AKAP9: variants seen among roughly 807,000 people sequenced by gnomAD.
AKAP9 encodes A-kinase anchoring protein 9, also known as A-kinase anchor protein 9.
In AKAP9, 311 loss-of-function variants were observed where a neutral mutation model predicts 488.5. The ratio of observed to expected loss-of-function variants is 0.64; its 90% CI spans 0.58 to 0.70. AKAP9 has a LOEUF of 0.70. Ranked by LOEUF, AKAP9 falls within the 30% of genes least tolerant of loss-of-function variation. The pLI, the probability that AKAP9 is intolerant of heterozygous loss-of-function variation, is 0.00. For missense variants in AKAP9, 4,215 were observed against 4,374.5 expected, an observed-to-expected ratio of 0.96 and a Z score of 1.03; for synonymous variants, 1,462 against 1,483.5, an observed-to-expected ratio of 0.99 and a Z score of 0.33.
At chr7:91,987,086 G>A (rs528979422) in intron 3 of AKAP9, among the ~76,000 whole-genome samples, 2 of 152,100 alleles carry the variant, frequency 1.3e-5, no homozygotes, top group African/African-American at 4.8e-5. Context: ...CTTACCGTGT[G>A]GAATAAACAG....
At chr7:92,028,992 T>C (rs990057571) in intron 14 of AKAP9, among the ~76,000 whole-genome samples, 44 of 151,844 alleles carry the variant, frequency 2.9e-4, no homozygotes, top group African/African-American at 9.9e-4. Flanking sequence ...GAATTTAGGG[T>C]AGAAAAGAAT....
chr7:91,986,184 G>T (rs1054776948), intron 3 of AKAP9, among the ~76,000 whole-genome samples: 2 of 152,182 alleles, frequency 1.3e-5, no homozygotes, highest in African/African-American at 2.4e-5. Flanking sequence ...CTAGATGAAA[G>T]AAATGGGACC....
At chr7:92,098,992 C>A (rs1357420837) in intron 43 of AKAP9, among the ~76,000 whole-genome samples, 1 of 152,132 alleles carries the variant, frequency 6.6e-6, no homozygotes, top group Non-Finnish European at 1.5e-5. Context: ...CCCATAGTGA[C>A]CCCTTAGGAA....
At chr7:91,972,171 A>T (rs1795188334) in intron 1 of AKAP9, among the ~76,000 whole-genome samples, 1 of 152,098 alleles carries the variant, frequency 6.6e-6, no homozygotes, top group Admixed American at 6.6e-5. Flanking sequence ...GACCTGTGGC[A>T]TGAACCTCTT....
intron 1 of AKAP9, among the ~76,000 whole-genome samples, chr7:91,959,565 C>A (rs1388613957): frequency 1.3e-5 from 2 of 152,112 alleles, no homozygotes; most frequent in African/African-American, 4.8e-5. Context: ...TTTAGCTTCC[C>A]AAAGCACATA....
chr7:92,024,269 G>T (rs1487485062), intron 14 of AKAP9, among the ~76,000 whole-genome samples: 1 of 151,290 alleles, frequency 6.6e-6, no homozygotes, highest in Non-Finnish European at 1.5e-5. Context: ...AAAATTAGCC[G>T]GGCATGGTGG....
At chr7:92,043,253 TC>T (rs1365156929) in intron 20 of AKAP9, 8 of 806,008 alleles carry the variant, frequency 9.9e-6, no homozygotes, top group African/African-American at 1.9e-5. Context: ...CTGTCAACCC[TC>T]TTGTGTCCTC....
Position 92,023,925 on chromosome 7 carries a change from A to C in AKAP9, c.4148+916A>C, listed in dbSNP as rs1443425547. Among the ~76,000 whole-genome samples the C allele has an allele frequency of 3.3e-5, 5 of 152,168 alleles. No homozygotes were observed. The Middle Eastern group carries it at 0.017, about 521-fold the overall frequency. On this transcript the variant is annotated intron_variant, in intron 14 of 49. Coordinates refer to ENST00000356239, the MANE Select transcript of AKAP9 (RefSeq NM_005751.5). ...TCTTCCTCCAGATACATGCCTGGCC[A>C]ACACCCTCACCTTCTTTGGATCATT... is the stretch of plus-strand genomic sequence containing the variant.
chr7:92,046,681 T>G lies in AKAP9; in HGVS notation c.5368+1468T>G, dbSNP rs542543751. On this transcript the variant is annotated intron_variant, in intron 21 of 49. Transcript: ENST00000356239. ...ACTTCACTCTTGGTTAAGCTCTCAG[T>G]CACGGCTATTTTATTTCTGCATATG... 2.0e-5 allele frequency among the ~76,000 whole-genome samples: 3 copies of G among 152,350 alleles called. No homozygotes were observed. In the South Asian group the frequency reaches 6.2e-4, roughly 32 times the overall value.
chr7:91,952,189 C>T (rs11772585), intron 1 of AKAP9, among the ~76,000 whole-genome samples: 17,313 of 152,204 alleles, frequency 0.11, 1,109 homozygotes, highest in East Asian at 0.35. Flanking sequence ...AAGCTTGCCT[C>T]TGATACTTTC....
chr7:92,018,912 G>C (rs1376105033), intron 12 of AKAP9, among the ~76,000 whole-genome samples: 1 of 152,044 alleles, frequency 6.6e-6, no homozygotes, highest in Non-Finnish European at 1.5e-5. Flanking sequence ...ATTGAAATTT[G>C]AATTTATTAA....
At position 92,031,540 on chromosome 7, in the gene AKAP9, A is replaced by T. The variant is rs747689685; in HGVS notation, c.4274A>T (p.Glu1425Val). 1 of 1,612,670 alleles carries T rather than the reference A, an allele frequency of 6.2e-7. No individual in the cohort carries two copies. The highest frequency in any genetic ancestry group is 2.2e-5 in the East Asian group (1 of 44,680). ...TCTGGTGAATTTGGAGTGAAAGAGG[A>T]AACAAATATCGTTAAGTTGCTTGAA... is the stretch of plus-strand genomic sequence containing the variant. ...EFSGEFGVKE[E>V]TNIVKLLEKQ... is the part of the protein sequence containing the mutation. The change falls in exon 16 of 50, where the codon GAA becomes GTA. Residue 1425 changes from glutamate (E) to valine (V), a missense_variant. This residue lies in a region of AKAP9 where 2,361 missense variants were observed against 2,430.0 expected (regional missense o/e 0.97). Coordinates refer to ENST00000356239, the MANE Select transcript of AKAP9 (RefSeq NM_005751.5).
chr7:92,034,492 ATATATATTTTTT>A (rs1804840153), intron 16 of AKAP9, among the ~76,000 whole-genome samples: 1 of 92,036 alleles, frequency 1.1e-5, no homozygotes, highest in Admixed American at 1.2e-4. Flanking sequence ...ATATATATAT[ATATATATTTTTT>A]TTTTTTTTTT....
intron 25 of AKAP9, 124 bp downstream of exon 25, chr7:92,065,587 C>T (rs143863934): frequency 6.0e-6 from 4 of 669,680 alleles, no homozygotes; most frequent in Admixed American, 5.6e-5. Context: ...TATTAGGTGT[C>T]GAATCTACTA....
At chr7:91,947,490 C>A (rs1415937148) in intron 1 of AKAP9, among the ~76,000 whole-genome samples, 2 of 151,712 alleles carry the variant, frequency 1.3e-5, no homozygotes, top group Admixed American at 6.6e-5. Context: ...CTACAGGCGC[C>A]CACCACCACA....
chr7:92,098,417 A>G (rs1296419047), intron 43 of AKAP9, among the ~76,000 whole-genome samples: 1 of 152,118 alleles, frequency 6.6e-6, no homozygotes, highest in Non-Finnish European at 1.5e-5. Context: ...AGCTTTCATT[A>G]TTGTCATTGA....
chr7:92,061,454 G>A (rs773460198), intron 23 of AKAP9, 32 bp downstream of exon 23: 1 of 1,611,140 alleles, frequency 6.2e-7, no homozygotes, highest in Admixed American at 1.7e-5. Context: ...ACTAAGGGTA[G>A]AGAAATTTCA....
In AKAP9 at chr7:92,022,327, T is replaced by G. The variant is rs150875198; in HGVS notation, c.3927T>G (p.Ser1309=). ...KEETEFLSIH[S]QMTNLEDIDV... is the part of the protein sequence containing the mutation. ...AAACAGAGTTTTTATCAATCCATTC[T>G]CAGATGACCAATTTGGAAGACATTG... is the stretch of plus-strand genomic sequence containing the variant. Residue 1309 remains serine, a synonymous_variant, in exon 13 of 50, where the codon TCT becomes TCG. Coordinates refer to ENST00000356239, the MANE Select transcript of AKAP9 (RefSeq NM_005751.5). 2.2e-5 allele frequency: 36 copies of G among 1,611,354 alleles called. No individual in the cohort carries two copies. Among genetic ancestry groups the G allele is most frequent in the Middle Eastern group, 1.7e-4 (1 of 6,052 alleles).
intron 8 of AKAP9, among the ~76,000 whole-genome samples, chr7:92,006,148 CT>C (rs140267668): frequency 6.6e-6 from 1 of 151,636 alleles, no homozygotes; most frequent in Admixed American, 6.6e-5. Context: ...TTCTAATTTT[CT>C]TTTTCTTTTT....
Sources: gnomAD v4.1 joint callset for allele counts (sites outside exome capture counted in the v4.1 genomes callset) on GRCh38, gnomAD v4.1.1 for gene constraint, gnomAD v4.1.1 regional missense constraint, MANE v1.5 for transcripts, NCBI Gene and HGNC (gene_info 2026-07-23, HGNC 2026-07-21) for gene names.